GMIP: variants seen among roughly 807,000 people sequenced by gnomAD.
GMIP encodes the protein GEM-interacting protein.
Under a neutral mutation model 105.3 loss-of-function variants are expected in GMIP, and 54 were observed. The observed-to-expected ratio is 0.51, with a 90% CI of 0.41 to 0.64. The LOEUF (loss-of-function observed/expected upper bound fraction) is 0.64. GMIP is among the 30% of genes least tolerant of loss of function. GMIP has a pLI of 0.00. For missense variants in GMIP, 1,110 were observed against 1,319.4 expected (o/e 0.84, Z 2.46); for synonymous variants, 541 against 560.8 (o/e 0.96, Z 0.50).
At chr19:19,633,704 T>G in intron 19 of GMIP, 99 bp downstream of exon 19, 1 of 877,140 alleles carries the variant, frequency 1.1e-6, no homozygotes, top group Admixed American at 3.2e-5. Flanking sequence ...AGGAAGAGAA[T>G]GAAGGAAATT....
In GMIP at chr19:19,639,091, T is replaced by A. The variant is rs35195426; in HGVS notation, c.538-609A>T. The stretch of plus-strand genomic sequence containing the variant: ...TGAGACTCTGTCTCAAAAAAAAAAA[T>A]AAATAAATAAATTTTTTTTGGTAGA... On this transcript the variant is annotated intron_variant, in intron 7 of 20. Transcript: ENST00000203556. 3.1e-3 allele frequency among the ~76,000 whole-genome samples: 468 copies of A among 151,280 alleles called. 2 individuals are homozygous for A. The highest frequency in any genetic ancestry group is 5.1e-3 in the East Asian group (26 of 5,116).
intron 2 of GMIP, 90 bp downstream of exon 2, chr19:19,642,445 C>T (rs766157984): frequency 6.5e-6 from 5 of 770,762 alleles, no homozygotes; most frequent in African/African-American, 1.7e-5. Flanking sequence ...CCAGATGTTA[C>T]AGGTTCCAAA....
At position 19,638,605 on chromosome 19, in the gene GMIP, C is replaced by G. The variant is rs572076289; in HGVS notation, c.538-123G>C. The stretch of plus-strand genomic sequence containing the variant: ...CTCTGGACTCTATTTTTTTTTTTTT[C>G]GAGACGGAGTTTTGCTCTTGTTGCC... On this transcript the variant is annotated intron_variant, in intron 7 of 20. Coordinates refer to ENST00000203556, the MANE Select transcript of GMIP (RefSeq NM_016573.4). 1.9e-5 allele frequency: 13 copies of G among 699,680 alleles called. No homozygotes were observed. The African/African-American group carries it at 2.2e-4, about 12-fold the overall frequency. The allele number at this position is 699,680 out of a possible 1,614,324, so 43.3% of individuals were successfully genotyped here.
chr19:19,630,099 C>T lies in GMIP; in HGVS notation c.2777G>A (p.Arg926His), dbSNP rs368328894. 1.8e-5 allele frequency: 29 copies of T among 1,610,318 alleles called. No homozygotes were observed. The highest frequency in any genetic ancestry group is 1.1e-4 in the African/African-American group (8 of 74,884). Residue 926 changes from arginine (R) to histidine (H), a missense_variant, in exon 21 of 21, where the codon CGC becomes CAC. By Grantham distance (29) the Arg-to-His change is conservative. Around this residue, in one of 3 missense-constraint regions of GMIP, gnomAD observed 394 missense variants for 450.5 expected, o/e 0.87. Coordinates refer to ENST00000203556, the MANE Select transcript of GMIP (RefSeq NM_016573.4). This position sits in a 1 kb window ranked among gnomAD's most constrained non-coding sequence, Gnocchi z 4.8. ...AAAATGCTTGGGCAGCGGGGTGCGG[C>T]GCAGGGGGCTGCCCTCAGGGGAGGC... is the stretch of plus-strand genomic sequence containing the variant. ...AAASPEGSPL[R>H]RTPLPKHFEI...
Position 19,630,237 on chromosome 19 carries a change from A to G in GMIP, c.2639T>C (p.Val880Ala), listed in dbSNP as rs776166132. ...VKYPRGGVRPVTHQLSSLALV... is the reference protein window; with the variant it reads ...VKYPRGGVRPATHQLSSLALV... ...GGCCAGACTGGACAGCTGGTGGGTT[A>G]CAGGCCTCACACCGCCCCGGGGATA... The change falls in exon 21 of 21, where the codon GTA becomes GCA. Residue 880 changes from valine (V) to alanine (A), a missense_variant. Coordinates refer to ENST00000203556, the MANE Select transcript of GMIP (RefSeq NM_016573.4). The surrounding 1 kb of genome is among the most constrained non-coding windows in gnomAD (Gnocchi z 4.8). 1 of 1,585,508 alleles carries G rather than the reference A, an allele frequency of 6.3e-7. No homozygotes were observed. The highest frequency in any genetic ancestry group is 8.6e-7 in the Non-Finnish European group (1 of 1,162,434).
Position 19,638,017 on chromosome 19 carries a change from T to G in GMIP, c.830A>C (p.Glu277Ala). 1 of 1,606,160 alleles carries G rather than the reference T, an allele frequency of 6.2e-7. No individual in the cohort carries two copies. Among genetic ancestry groups the G allele is most frequent in the Non-Finnish European group, 8.5e-7 (1 of 1,177,088 alleles). The change falls in exon 10 of 21, where the codon GAG becomes GCG. Residue 277 changes from glutamate (E) to alanine (A), a missense_variant. Physicochemically the swap from Glu to Ala is moderately radical, Grantham distance 107. Coordinates refer to ENST00000203556, the MANE Select transcript of GMIP (RefSeq NM_016573.4). ...CAGGTCCTGCTGCCGCGCGTTGGCCTCGCGGACACAGGCCTGGTACAGCGC... is the reference window on the plus strand; with the variant it reads ...CAGGTCCTGCTGCCGCGCGTTGGCCGCGCGGACACAGGCCTGGTACAGCGC... ...AEALYQACVR[E>A]ANARQQDLEI...
intron 3 of GMIP, 37 bp from the exon 4 acceptor site, chr19:19,641,904 G>A: frequency 1.2e-6 from 2 of 1,609,388 alleles, no homozygotes; most frequent in Non-Finnish European, 1.7e-6. Flanking sequence ...AAGCAAACAG[G>A]GCAGGGGCCT....
Position 19,634,381 on chromosome 19 carries a change from A to T in GMIP, c.2084+126T>A. 1 of 1,025,846 alleles carries T rather than the reference A, an allele frequency of 9.7e-7. No individual in the cohort carries two copies. Among genetic ancestry groups the T allele is most frequent in the Non-Finnish European group, 1.5e-6 (1 of 684,106 alleles). 63.5% of individuals were successfully genotyped at this position (1,025,846 alleles called of 1,614,324 possible). On this transcript the variant is annotated intron_variant, in intron 18 of 20. Transcript: ENST00000203556. The surrounding 1 kb of genome is among the most constrained non-coding windows in gnomAD (Gnocchi z 6.1). ...TACCCAAAGTTATGAATCATGGATT[A>T]AGGTTCAGAGTTCAGAAAACACAGG...
intron 7 of GMIP, among the ~76,000 whole-genome samples, chr19:19,638,778 CTTTTTTTTT>C (rs554304896): frequency 7.6e-6 from 1 of 132,290 alleles, no homozygotes; most frequent in Non-Finnish European, 1.7e-5. Context: ...ACAATTTCTT[CTTTTTTTTT>C]TTTTTTTTGG....
Position 19,638,148 on chromosome 19 carries a change from C to T in GMIP, c.789+11G>A. The T allele has an allele frequency of 1.3e-6, 2 of 1,576,850 alleles. No homozygotes were observed. The highest frequency in any genetic ancestry group is 1.7e-6 in the Non-Finnish European group (2 of 1,170,084). On this transcript the variant is annotated intron_variant, in intron 9 of 20. Transcript: ENST00000203556. ...CCACAGCGCTACAGGGGCTCGGGGC[C>T]GGGTGCCCACCTTGGCCTGGGCCTC... is the stretch of plus-strand genomic sequence containing the variant.
At chr19:19,633,695 G>A (rs1245963140) in intron 19 of GMIP, 108 bp downstream of exon 19, 9 of 777,474 alleles carry the variant, frequency 1.2e-5, no homozygotes, top group East Asian at 5.8e-5. Context: ...GAGGAAGGGA[G>A]GAAGAGAATG....
chr19:19,642,928 A>G (rs1297844540), intron 1 of GMIP, among the ~76,000 whole-genome samples: 1 of 152,164 alleles, frequency 6.6e-6, no homozygotes, highest in Admixed American at 6.5e-5. Flanking sequence ...CGGTCTGACA[A>G]TGGAACCACG....
At position 19,641,904 on chromosome 19, in the gene GMIP, G is replaced by T. The variant is rs781620182; in HGVS notation, c.181-37C>A. 7 of 1,609,264 alleles carry T rather than the reference G, an allele frequency of 4.3e-6. No homozygotes were observed. The African/African-American group carries it at 9.4e-5, about 22-fold the overall frequency. ...GGAGACAGTATTCAGAAGCAAACAG[G>T]GCAGGGGCCTGGCCTTCCTAAGGCC... is the stretch of plus-strand genomic sequence containing the variant. On this transcript the variant is annotated intron_variant, in intron 3 of 20. Coordinates refer to ENST00000203556, the MANE Select transcript of GMIP (RefSeq NM_016573.4).
Position 19,633,874 on chromosome 19 carries a change from C to T in GMIP, c.2401G>A (p.Ala801Thr). ...TGGGGGTCTGGGCCGGGGTCTGAGG[C>T]TAGGACTGGGGGCTGGGAGTCTGGG... Reference protein sequence around the residue: ...LDPDSQPPVLASDPGPDPQHH... With the variant: ...LDPDSQPPVLTSDPGPDPQHH... The change falls in exon 19 of 21, where the codon GCC (alanine) becomes ACC (threonine). Residue 801 changes from alanine (A) to threonine (T), a missense_variant. By Grantham distance (58) the Ala-to-Thr change is moderately conservative. Transcript: ENST00000203556. 6.7e-7 allele frequency: 1 copy of T among 1,498,054 alleles called. No individual in the cohort carries two copies. The allele number at this position is 1,498,054 out of a possible 1,614,324, so 92.8% of individuals were successfully genotyped here.
chr19:19,634,747 T>C lies in GMIP; in HGVS notation c.1888-44A>G. 6.2e-7 allele frequency: 1 copy of C among 1,610,368 alleles called. No individual in the cohort carries two copies. The highest frequency in any genetic ancestry group is 8.5e-7 in the Non-Finnish European group (1 of 1,177,504). ...GCGCAACACGAGTGTGGGTGGGCTG[T>C]GGAGGGCTCCTGCCCGCGTCCCCCT... On this transcript the variant is annotated intron_variant, in intron 17 of 20. Coordinates refer to ENST00000203556, the MANE Select transcript of GMIP (RefSeq NM_016573.4). This position sits in a 1 kb window ranked among gnomAD's most constrained non-coding sequence, Gnocchi z 6.1.
In GMIP at chr19:19,630,583, GTTCT is replaced by G; in HGVS notation, c.2473-50_2473-47del. On this transcript the variant is annotated intron_variant, in intron 19 of 20. Coordinates refer to ENST00000203556, the MANE Select transcript of GMIP (RefSeq NM_016573.4). The surrounding 1 kb of genome is among the most constrained non-coding windows in gnomAD (Gnocchi z 4.8). The stretch of plus-strand genomic sequence containing the variant: ...ATGAGACCCCAACACTAAAATCCCA[GTTCT>G]TTGAGATTCCTGGAGAGCCAAGGGC... 6.6e-7 allele frequency: 1 copy of G among 1,517,500 alleles called. No individual in the cohort carries two copies. Among genetic ancestry groups the G allele is most frequent in the Non-Finnish European group, 9.2e-7 (1 of 1,092,406 alleles). The allele number at this position is 1,517,500 out of a possible 1,614,324, so 94.0% of individuals were successfully genotyped here. A position where few individuals can be genotyped will look rare whatever the true frequency, so the allele number is the denominator to read the frequency against.
rs2061947490 is a variant in GMIP, at chr19:19,643,513, G to A, written c.17C>T (p.Pro6Leu). The A allele has an allele frequency of 3.2e-6, 5 of 1,548,180 alleles. 1 individual carries two copies. The South Asian group carries it at 6.0e-5, about 18-fold the overall frequency. Residue 6 changes from proline to leucine, a missense_variant and splice_region_variant, in exon 1 of 21, where the codon CCG becomes CTG. Around this residue, in one of 3 missense-constraint regions of GMIP, gnomAD observed 667 missense variants for 773.2 expected, o/e 0.86. Transcript: ENST00000203556. The stretch of plus-strand genomic sequence containing the variant: ...CTCCCGGATCCCCGACCCCCTACCC[G>A]GCTCTGCTGCGTCCATATCTGGGCC... MDAAE[P>L]GLPPGPEGRK...
In GMIP at chr19:19,635,693, A is replaced by G; in HGVS notation, c.1356T>C (p.Ala452=). The change falls in exon 14 of 21, where the codon GCT becomes GCC. Residue 452 remains alanine, a synonymous_variant. Transcript: ENST00000203556. This position sits in a 1 kb window ranked among gnomAD's most constrained non-coding sequence, Gnocchi z 4.7. ...CTGAGGACTCAGTGCCTGTGGACGA[A>G]GCCTTCACCAGCTGCCTCGTGCCAG... is the stretch of plus-strand genomic sequence containing the variant. ...PGAGTRQLVK[A]SSTGTESSDD... is the part of the protein sequence containing the mutation. 1 of 1,614,108 alleles carries G rather than the reference A, an allele frequency of 6.2e-7. No homozygotes were observed. The highest frequency in any genetic ancestry group is 8.5e-7 in the Non-Finnish European group (1 of 1,179,990).
chr19:19,641,366 C>A (rs1380255529), intron 4 of GMIP, among the ~76,000 whole-genome samples: 1 of 152,106 alleles, frequency 6.6e-6, no homozygotes, highest in Admixed American at 6.5e-5. Flanking sequence ...CAGGCGTGAG[C>A]CACTGCGTCC....
Sources: allele counts gnomAD v4.1 joint callset (sites outside exome capture counted in the v4.1 genomes callset), GRCh38; gene constraint gnomAD v4.1.1; regional missense constraint gnomAD v4.1.1; non-coding constraint Gnocchi (gnomAD v3.1); transcripts MANE v1.5; gene names NCBI Gene and HGNC (gene_info 2026-07-23, HGNC 2026-07-21).